The following HSD11B1 variants were observed in gnomAD, a reference collection of about 807,000 sequenced individuals.
The protein encoded by HSD11B1 is hydroxysteroid 11-beta dehydrogenase 1, also known as 11-beta-hydroxysteroid dehydrogenase 1.
HSD11B1 carries 15 observed loss-of-function variants against 22.1 expected under a neutral mutation model. The observed-to-expected ratio is 0.68, with a 90% CI of 0.45 to 1.04. The LOEUF is 1.04. Among genes scored for constraint, HSD11B1 ranks in the 50% least tolerant of loss-of-function variants. The probability of loss-of-function intolerance (pLI) is 0.00; values close to 1 mark genes in which losing one functional copy is unlikely to be tolerated. For synonymous variants in HSD11B1, 122 were observed against 125.2 expected, an observed-to-expected ratio of 0.97 and a Z score of 0.17; for missense variants, 281 against 357.6, an observed-to-expected ratio of 0.79 and a Z score of 1.73.
intron 1 of HSD11B1, among the ~76,000 whole-genome samples, chr1:209,687,061 AC>A (rs1223736181): frequency 6.6e-6 from 1 of 152,134 alleles, no homozygotes; most frequent in Non-Finnish European, 1.5e-5. Context: ...CTCACCATTT[AC>A]CCAAACCTTC....
chr1:209,707,506 A>T (rs960087890), intron 4 of HSD11B1, among the ~76,000 whole-genome samples: 1 of 152,180 alleles, frequency 6.6e-6, no homozygotes, highest in Admixed American at 6.5e-5. Context: ...AGATGTACTG[A>T]TAAGAGACTT....
At chr1:209,692,542 C>A (rs1369483166) in intron 1 of HSD11B1, among the ~76,000 whole-genome samples, 2 of 135,172 alleles carry the variant, frequency 1.5e-5, no homozygotes, top group African/African-American at 2.8e-5. Flanking sequence ...TGGTCAGGCA[C>A]CCCCTGGGGG....
chr1:209,687,681 T>A (rs2076736333), intron 1 of HSD11B1, among the ~76,000 whole-genome samples: 1 of 152,148 alleles, frequency 6.6e-6, no homozygotes, highest in African/African-American at 2.4e-5. Flanking sequence ...AGGAGCCTTT[T>A]AAGAAATCAT....
intron 1 of HSD11B1, among the ~76,000 whole-genome samples, chr1:209,692,917 GA>G (rs1273126189): frequency 3.9e-5 from 6 of 152,138 alleles, no homozygotes; most frequent in African/African-American, 1.4e-4. Context: ...AGGAGCAAGG[GA>G]ATCAGTTTAC....
At chr1:209,712,376 T>G (rs768774218) in intron 4 of HSD11B1, among the ~76,000 whole-genome samples, 2 of 152,196 alleles carry the variant, frequency 1.3e-5, no homozygotes, top group Non-Finnish European at 2.9e-5. Context: ...TTAACAGAGT[T>G]CTAATAAGCA....
chr1:209,696,783 A>G (rs982083472), intron 1 of HSD11B1, among the ~76,000 whole-genome samples: 8 of 152,232 alleles, frequency 5.3e-5, no homozygotes, highest in African/African-American at 1.9e-4. Flanking sequence ...TCAAAGAGAA[A>G]AAAAGCATGG....
intron 4 of HSD11B1, among the ~76,000 whole-genome samples, chr1:209,727,899 T>G (rs2077013523): frequency 6.6e-6 from 1 of 152,234 alleles, no homozygotes; most frequent in Admixed American, 6.5e-5. Flanking sequence ...ACCTTTTCAT[T>G]CAAAATCCAA....
Position 209,704,995 on chromosome 1 carries a change from A to G in HSD11B1, c.53A>G (p.Tyr18Cys). 6.2e-7 allele frequency: 1 copy of G among 1,613,124 alleles called. No homozygotes were observed. The highest frequency in any genetic ancestry group is 1.1e-5 in the South Asian group (1 of 91,062). The change falls in exon 1 of 6, where the codon TAC (tyrosine) becomes TGC (cysteine). Residue 18 changes from tyrosine to cysteine, a missense_variant. Transcript: ENST00000367027. Reference sequence around the variant, plus strand: ...CCCATTCTGGGGCTCTTCATGGCCTACTACTACTATTCTGCAAACGAGGAA... The same window carrying G: ...CCCATTCTGGGGCTCTTCATGGCCTGCTACTACTATTCTGCAAACGAGGAA... The part of the protein sequence containing the change: ...LLPILGLFMA[Y>C]YYYSANEEFR...
chr1:209,702,533 G>A (rs947572160), upstream of HSD11B1, among the ~76,000 whole-genome samples: 1 of 145,886 alleles, frequency 6.9e-6, no homozygotes, highest in African/African-American at 2.4e-5. Context: ...AGACCCTCTT[G>A]AAGGGTTGAA....
intron 4 of HSD11B1, among the ~76,000 whole-genome samples, chr1:209,729,089 T>C (rs2077020199): frequency 6.6e-6 from 1 of 152,176 alleles, no homozygotes; most frequent in Non-Finnish European, 1.5e-5. Flanking sequence ...CCAGGCATAG[T>C]GGCTCATGCC....
In HSD11B1 at chr1:209,691,987, G is replaced by A. The variant is rs184580872; in HGVS notation, c.-49+5702G>A. 2.2e-3 allele frequency among the ~76,000 whole-genome samples: 340 copies of A among 151,540 alleles called. 1 individual carries two copies. The highest frequency in any genetic ancestry group is 7.7e-3 in the African/African-American group (319 of 41,282). ...GCTGAGAAAGGAAAGAGCAAGGATT[G>A]TTGTCACTAGTTGTAAACCTTTTGT... is the stretch of plus-strand genomic sequence containing the variant. On this transcript the variant is annotated intron_variant, in intron 1 of 6. Coordinates refer to the HSD11B1 transcript ENST00000261465.
At position 209,732,459 on chromosome 1, in the gene HSD11B1, G is replaced by A; in HGVS notation, c.541G>A (p.Ala181Thr). ...LAGKVAYPMV[A>T]AYSASKFALD... ...AGGGAAAGTGGCTTATCCAATGGTT[G>A]CTGCCTATTCTGCAAGCAAGTTTGC... is the stretch of plus-strand genomic sequence containing the variant. Residue 181 changes from alanine to threonine, a missense_variant, in exon 5 of 6, where the codon GCT becomes ACT. Ala to Thr is a moderately conservative substitution (Grantham distance 58). Coordinates refer to ENST00000367027, the MANE Select transcript of HSD11B1 (RefSeq NM_005525.4). 1 of 1,614,088 alleles carries A rather than the reference G, an allele frequency of 6.2e-7. No individual in the cohort carries two copies. The highest frequency in any genetic ancestry group is 8.5e-7 in the Non-Finnish European group (1 of 1,179,994).
chr1:209,729,363 A>AACACACACACACAC lies in HSD11B1; in HGVS notation c.518-3055_518-3042dup, dbSNP rs34574844. On this transcript the variant is annotated intron_variant, in intron 4 of 5. Coordinates refer to ENST00000367027, the MANE Select transcript of HSD11B1 (RefSeq NM_005525.4). ...AACAGAGCAAGACTCTGCCTCGGAA[A>AACACACACACACAC]ACACACACACACACACACACACACA... Among the ~76,000 whole-genome samples the AACACACACACACAC allele has an allele frequency of 4.0e-3, 587 of 146,426 alleles. 2 individuals are homozygous for AACACACACACACAC. Among genetic ancestry groups the AACACACACACACAC allele is most frequent in the Middle Eastern group, 0.014 (4 of 284 alleles).
At chr1:209,690,632 G>T (rs2076754141) in intron 1 of HSD11B1, among the ~76,000 whole-genome samples, 1 of 152,122 alleles carries the variant, frequency 6.6e-6, no homozygotes, top group Admixed American at 6.5e-5. Context: ...GGAAGGCAGA[G>T]GTTGCAGGGA....
intron 4 of HSD11B1, among the ~76,000 whole-genome samples, chr1:209,708,445 C>T (rs1309183883): frequency 1.3e-5 from 2 of 152,210 alleles, no homozygotes; most frequent in African/African-American, 4.8e-5. Flanking sequence ...GGCAGTGTGT[C>T]TGTGCTACCC....
chr1:209,697,523 GTCT>G lies in HSD11B1; in HGVS notation c.-48-7362_-48-7360del, dbSNP rs2076797776. On this transcript the variant is annotated intron_variant, in intron 1 of 6. Transcript: ENST00000261465. ...TCTTACACATTTCATTTATTTCCAC[GTCT>G]TCTTCTTCTAGGGCATGGAGAGCAT... Among the ~76,000 whole-genome samples the G allele has an allele frequency of 2.0e-5, 3 of 152,144 alleles. No individual in the cohort carries two copies. The South Asian group carries it at 6.2e-4, about 32-fold the overall frequency.
chr1:209,732,425 C>G lies in HSD11B1; in HGVS notation c.518-11C>G. 6.2e-7 allele frequency: 1 copy of G among 1,613,990 alleles called. No individual in the cohort carries two copies. The highest frequency in any genetic ancestry group is 2.2e-5 in the East Asian group (1 of 44,862). On this transcript the variant is annotated splice_polypyrimidine_tract_variant and intron_variant, in intron 4 of 5. Transcript: ENST00000367027. ...AGCCTTATTAACCCATTTCTTTAAT[C>G]TGTCATTTAGGGAAAGTGGCTTATC...
intron 1 of HSD11B1, among the ~76,000 whole-genome samples, chr1:209,689,707 A>G (rs550504577): frequency 1.7e-4 from 26 of 152,254 alleles, no homozygotes; most frequent in Admixed American, 5.2e-4. Context: ...GACTTCTGCC[A>G]TGAGTGGAAG....
At chr1:209,690,871 A>G (rs2076755657) in intron 1 of HSD11B1, among the ~76,000 whole-genome samples, 1 of 152,150 alleles carries the variant, frequency 6.6e-6, no homozygotes, top group South Asian at 2.1e-4. Flanking sequence ...AAGTCCAAAA[A>G]GAAAGCACAG....
Sources: allele counts gnomAD v4.1 joint callset (sites outside exome capture counted in the v4.1 genomes callset), GRCh38; gene constraint gnomAD v4.1.1; transcripts MANE v1.5; gene names NCBI Gene and HGNC (gene_info 2026-07-23, HGNC 2026-07-21).